RBMX2: variants seen among roughly 807,000 people sequenced by gnomAD.
RBMX2 encodes the protein RNA binding motif protein X-linked 2, also known as RNA-binding motif protein, X-linked 2.
For synonymous variants in RBMX2, 77 were observed against 94.3 expected (o/e 0.82, Z 1.07); for missense variants, 191 against 256.0 (o/e 0.75, Z 1.73).
At chrX:130,403,537 T>A (rs762320868) in intron 2 of RBMX2, among the ~76,000 whole-genome samples, 2 of 110,847 alleles carry the variant, frequency 1.8e-5, no homozygotes, top group East Asian at 5.7e-4. Context: ...CCTGGCTGAT[T>A]TTTTTTTGTA....
At position 130,412,834 on chromosome X, in the gene RBMX2, C is replaced by G; in HGVS notation, c.955C>G (p.Arg319Gly). The G allele has an allele frequency of 8.3e-7, 1 of 1,206,728 alleles. No individual in the cohort carries two copies. The highest frequency in any genetic ancestry group is 1.1e-6 in the Non-Finnish European group (1 of 893,889). ...GCGGGAGTCTTCGAATCCCAGTGACCGTTGGCGTCACTGAAGACTTCAGCT... is the reference window on the plus strand; with the variant it reads ...GCGGGAGTCTTCGAATCCCAGTGACGGTTGGCGTCACTGAAGACTTCAGCT... ...RERESSNPSD[R>G]WRH Residue 319 changes from arginine (R) to glycine (G), a missense_variant, in exon 6 of 6, where the codon CGT becomes GGT. Coordinates refer to ENST00000305536, the MANE Select transcript of RBMX2 (RefSeq NM_016024.4).
At chrX:130,408,676 A>G (rs2034497249) in intron 3 of RBMX2, among the ~76,000 whole-genome samples, 2 of 111,762 alleles carry the variant, frequency 1.8e-5, no homozygotes, top group African/African-American at 3.2e-5. Flanking sequence ...GACCTAATCC[A>G]TAGTCAATTT....
At position 130,403,842 on chromosome X, in the gene RBMX2, T is replaced by C; in HGVS notation, c.162T>C (p.Cys54=). 1 of 1,210,008 alleles carries C rather than the reference T, an allele frequency of 8.3e-7. No individual in the cohort carries two copies. Among genetic ancestry groups the C allele is most frequent in the Non-Finnish European group, 1.1e-6 (1 of 893,412 alleles). Residue 54 remains cysteine, a synonymous_variant, in exon 3 of 6, where the codon TGT becomes TGC. Coordinates refer to ENST00000305536, the MANE Select transcript of RBMX2 (RefSeq NM_016024.4). The part of the protein sequence containing the change: ...PYELTEGDII[C]VFSQYGEIVN... ...AACTGACTGAAGGGGACATCATCTG[T>C]GTGTTCTCACAGTAAGTGTCCTTTC... is the stretch of plus-strand genomic sequence containing the variant.
chrX:130,412,272 A>C, intron 5 of RBMX2, 89 bp from the exon 6 acceptor site: 3 of 1,047,160 alleles, frequency 2.9e-6, no homozygotes, highest in Non-Finnish European at 3.8e-6. Flanking sequence ...TAACGTATTC[A>C]GAAAAGAAAG....
At chrX:130,409,788 A>ATGTCTGT (rs1169022236) in intron 4 of RBMX2, among the ~76,000 whole-genome samples, 1 of 111,928 alleles carries the variant, frequency 8.9e-6, no homozygotes, top group Non-Finnish European at 1.9e-5. Context: ...ATAATCTAGT[A>ATGTCTGT]CATAGCCATG....
At chrX:130,402,225 A>ACCCGACCC in intron 1 of RBMX2, 30 bp from the exon 2 acceptor site, 3 of 984,790 alleles carry the variant, frequency 3.0e-6, no homozygotes, top group Non-Finnish European at 4.2e-6. Flanking sequence ...TTTTCTGCCT[A>ACCCGACCC]CCCTCCCCAC....
chrX:130,409,451 C>T (rs1257801747), intron 4 of RBMX2, 65 bp downstream of exon 4: 14 of 1,097,444 alleles, frequency 1.3e-5, no homozygotes, highest in Non-Finnish European at 1.7e-5. Context: ...TCGTTTTCTA[C>T]CTGGTTCCCG....
chrX:130,403,577 T>C (rs2034468183), intron 2 of RBMX2, among the ~76,000 whole-genome samples: 1 of 111,373 alleles, frequency 9.0e-6, no homozygotes, highest in African/African-American at 3.3e-5. Context: ...TTCGCCATGT[T>C]GGACAGGCTG....
At chrX:130,408,454 T>C (rs1359306802) in intron 3 of RBMX2, among the ~76,000 whole-genome samples, 3 of 112,692 alleles carry the variant, frequency 2.7e-5, no homozygotes, top group Non-Finnish European at 5.6e-5. Context: ...TGGTGTATAT[T>C]CTCATTTTTG....
At chrX:130,402,211 C>A in intron 1 of RBMX2, 44 bp from the exon 2 acceptor site, 1 of 1,186,485 alleles carries the variant, frequency 8.4e-7, no homozygotes, top group South Asian at 1.9e-5. Context: ...ACTTACTTGT[C>A]TGCTTTTCTG....
intron 3 of RBMX2, among the ~76,000 whole-genome samples, chrX:130,408,601 A>G (rs180793345): frequency 5.7e-4 from 63 of 111,450 alleles, no homozygotes; most frequent in African/African-American, 2.0e-3. Flanking sequence ...CCAGCTTTAT[A>G]ACATTATAAC....
chrX:130,403,851 A>G lies in RBMX2; in HGVS notation c.171A>G (p.Ser57=). Residue 57 remains serine, a splice_region_variant and synonymous_variant, in exon 3 of 6, where the codon TCA becomes TCG. Transcript: ENST00000305536. ...AAGGGGACATCATCTGTGTGTTCTC[A>G]CAGTAAGTGTCCTTTCATTTCCTGC... The part of the protein sequence containing the change: ...LTEGDIICVF[S]QYGEIVNINL... 1 of 1,208,249 alleles carries G rather than the reference A, an allele frequency of 8.3e-7. No individual in the cohort carries two copies. Among genetic ancestry groups the G allele is most frequent in the Non-Finnish European group, 1.1e-6 (1 of 891,922 alleles).
Position 130,412,744 on chromosome X carries a change from T to C in RBMX2, c.865T>C (p.Tyr289His). 2 of 1,210,854 alleles carry C rather than the reference T, an allele frequency of 1.7e-6. No individual in the cohort carries two copies. The highest frequency in any genetic ancestry group is 1.1e-6 in the Non-Finnish European group (1 of 895,232). Reference sequence around the variant, plus strand: ...TAATGGGCGTTCTGAAGGGCGTAGTTATAGAAGTAGAAGTAGGAGCCGAGA... The same window carrying C: ...TAATGGGCGTTCTGAAGGGCGTAGTCATAGAAGTAGAAGTAGGAGCCGAGA... ...WYNGRSEGRS[Y>H]RSRSRSRDKS... Residue 289 changes from tyrosine to histidine, a missense_variant, in exon 6 of 6, where the codon TAT (tyrosine) becomes CAT (histidine). Transcript: ENST00000305536.
rs6529427 is a variant in RBMX2, at chrX:130,411,333, G to C, written c.304-15G>C. On this transcript the variant is annotated splice_polypyrimidine_tract_variant and intron_variant, in intron 4 of 5. Coordinates refer to ENST00000305536, the MANE Select transcript of RBMX2 (RefSeq NM_016024.4). ...TGAGGGCTGTCTTCACTGAAGCATC[G>C]CCTGTCTTGCTTAGATCAAAGGAAG... 18 of 1,147,195 alleles carry C rather than the reference G, an allele frequency of 1.6e-5. No homozygotes were observed. The highest frequency in any genetic ancestry group is 2.1e-5 in the Non-Finnish European group (18 of 863,505). 94.5% of individuals were successfully genotyped at this position (1,147,195 alleles called of 1,213,427 possible). A position where few individuals can be genotyped will look rare whatever the true frequency, so the allele number is the denominator to read the frequency against.
chrX:130,409,170 A>G (rs1305668599), intron 3 of RBMX2, 87 bp from the exon 4 acceptor site: 1 of 839,939 alleles, frequency 1.2e-6, no homozygotes, highest in South Asian at 3.0e-5. Flanking sequence ...TGTATACACT[A>G]TATTATTTGA....
At chrX:130,402,391 C>A (rs907896467) in intron 2 of RBMX2, 21 bp downstream of exon 2, 1 of 1,200,567 alleles carries the variant, frequency 8.3e-7, no homozygotes, top group Admixed American at 2.2e-5. Context: ...CATCTTTCTT[C>A]CTCAGTGCTC....
chrX:130,412,618 C>A lies in RBMX2; in HGVS notation c.739C>A (p.Pro247Thr). ...DLERELKKEKPKHEHKSSSRR... is the reference protein window; with the variant it reads ...DLERELKKEKTKHEHKSSSRR... Reference sequence around the variant, plus strand: ...AGAGAGGGAGCTGAAGAAGGAGAAACCCAAGCACGAGCACAAGTCCTCAAG... The same window carrying A: ...AGAGAGGGAGCTGAAGAAGGAGAAAACCAAGCACGAGCACAAGTCCTCAAG... The change falls in exon 6 of 6, where the codon CCC becomes ACC. Residue 247 changes from proline to threonine, a missense_variant. By Grantham distance (38) the Pro-to-Thr change is conservative. Transcript: ENST00000305536. 1 of 1,209,075 alleles carries A rather than the reference C, an allele frequency of 8.3e-7. No homozygotes were observed. Among genetic ancestry groups the A allele is most frequent in the South Asian group, 1.8e-5 (1 of 56,768 alleles).
intron 1 of RBMX2, 51 bp downstream of exon 1, chrX:130,402,088 G>A (rs746645018): frequency 1.7e-6 from 2 of 1,187,777 alleles, no homozygotes; most frequent in Non-Finnish European, 2.3e-6. Context: ...ACTGGGGGTG[G>A]TCCACCGGGA....
chrX:130,407,801 G>T (rs1282563202), intron 3 of RBMX2, among the ~76,000 whole-genome samples: 1 of 109,093 alleles, frequency 9.2e-6, no homozygotes, highest in African/African-American at 3.3e-5. Context: ...GGGACTACAG[G>T]TGCACACTAT....
Sources: allele counts gnomAD v4.1 joint callset (sites outside exome capture counted in the v4.1 genomes callset), GRCh38; gene constraint gnomAD v4.1.1; transcripts MANE v1.5; gene names NCBI Gene and HGNC (gene_info 2026-07-23, HGNC 2026-07-21).